The following THSD7A variants were observed in gnomAD, a reference collection of about 807,000 sequenced individuals.
THSD7A encodes the protein thrombospondin type 1 domain containing 7A.
A neutral mutation model predicts 231.3 loss-of-function variants in THSD7A; 96 were observed. That is an observed-to-expected ratio of 0.41 (90% CI 0.35 to 0.49). The LOEUF (loss-of-function observed/expected upper bound fraction) is 0.49, where lower values mean the gene tolerates loss of function less well. Ranked by LOEUF, THSD7A falls within the 20% of genes least tolerant of loss-of-function variation. THSD7A has a pLI of 0.05. For synonymous variants in THSD7A, 940 were observed against 743.3 expected (o/e 1.26, Z -4.30); for missense variants, 2,290 against 2,070.2 (o/e 1.11, Z -2.06).
chr7:11,407,178 A>T (rs1783614523), intron 20 of THSD7A, 123 bp from the exon 21 acceptor site: 1 of 1,467,760 alleles, frequency 6.8e-7, no homozygotes, highest in Non-Finnish European at 9.3e-7. Context: ...TAAGGCTTAG[A>T]TGTTTTGCAA....
At chr7:11,503,915 G>A (rs904925772) in intron 6 of THSD7A, among the ~76,000 whole-genome samples, 1 of 152,048 alleles carries the variant, frequency 6.6e-6, no homozygotes, top group Non-Finnish European at 1.5e-5. Context: ...TCCTCAAAGA[G>A]CTAAAAGCAG....
chr7:11,517,458 G>T (rs937167987), intron 6 of THSD7A, among the ~76,000 whole-genome samples: 1 of 151,910 alleles, frequency 6.6e-6, no homozygotes, highest in African/African-American at 2.4e-5. Context: ...CTGAAACAGG[G>T]AATATCATTA....
At chr7:11,407,962 A>G (rs967692837) in intron 19 of THSD7A, among the ~76,000 whole-genome samples, 2 of 152,178 alleles carry the variant, frequency 1.3e-5, no homozygotes, top group Non-Finnish European at 2.9e-5. Context: ...GGGTCACCAA[A>G]GTTTTTTTTT....
At chr7:11,378,998 A>G (rs893405278) in intron 26 of THSD7A, 72 bp downstream of exon 26, 1 of 1,451,262 alleles carries the variant, frequency 6.9e-7, no homozygotes, top group African/African-American at 1.4e-5. Flanking sequence ...TGCTTTGCTC[A>G]CTTTTTTAAT....
In THSD7A at chr7:11,444,869, T is replaced by C. The variant is rs1348081030; in HGVS notation, c.3064+1192A>G. On this transcript the variant is annotated intron_variant, in intron 13 of 27. Transcript: ENST00000423059. This position sits in a 1 kb window ranked among gnomAD's most constrained non-coding sequence, Gnocchi z 4.2. ...TAAACTATATATATAAAACTATCAT[T>C]ATATATAACTATTTTATATATATAT... is the stretch of plus-strand genomic sequence containing the variant. 6.8e-6 allele frequency among the ~76,000 whole-genome samples: 1 copy of C among 147,604 alleles called. No individual in the cohort carries two copies. The highest frequency in any genetic ancestry group is 1.5e-5 in the Non-Finnish European group (1 of 67,110).
chr7:11,462,263 G>T, intron 9 of THSD7A, 120 bp from the exon 10 acceptor site: 3 of 1,051,060 alleles, frequency 2.9e-6, no homozygotes, highest in Non-Finnish European at 4.0e-6. Flanking sequence ...TCCCTGAGAG[G>T]CTTCACCTGG....
At chr7:11,393,312 T>TA (rs1264641158) in intron 23 of THSD7A, among the ~76,000 whole-genome samples, 1 of 151,614 alleles carries the variant, frequency 6.6e-6, no homozygotes, top group African/African-American at 2.4e-5. Context: ...AAGAAAGGAA[T>TA]AGCATTAACA....
chr7:11,588,197 A>G (rs1779996834), intron 4 of THSD7A, among the ~76,000 whole-genome samples: 1 of 152,116 alleles, frequency 6.6e-6, no homozygotes, highest in Non-Finnish European at 1.5e-5. Context: ...CCACAGCCTA[A>G]TTGTTCTCCA....
intron 6 of THSD7A, among the ~76,000 whole-genome samples, chr7:11,525,877 A>G (rs75696246): frequency 0.011 from 1,731 of 152,286 alleles, 29 homozygotes; most frequent in African/African-American, 0.04. Context: ...CACATTCTAA[A>G]TGTAACGTGT....
chr7:11,613,424 G>GT (rs1780999757), intron 2 of THSD7A, among the ~76,000 whole-genome samples: 1 of 152,178 alleles, frequency 6.6e-6, no homozygotes, highest in Non-Finnish European at 1.5e-5. Flanking sequence ...GAACCTGGCT[G>GT]TTACGGCTCA....
intron 8 of THSD7A, among the ~76,000 whole-genome samples, chr7:11,470,202 G>T (rs1360998457): frequency 6.6e-6 from 1 of 152,040 alleles, no homozygotes; most frequent in Non-Finnish European, 1.5e-5. Flanking sequence ...GCCTCTCAAG[G>T]AAAGATGTGC....
intron 8 of THSD7A, among the ~76,000 whole-genome samples, chr7:11,472,479 T>A (rs1446337061): frequency 3.3e-5 from 5 of 152,150 alleles, no homozygotes; most frequent in Admixed American, 2.6e-4. Context: ...GGCAATAATA[T>A]TTTCTTTTGA....
At chr7:11,572,803 A>C (rs140062170) in intron 4 of THSD7A, among the ~76,000 whole-genome samples, 14 of 151,858 alleles carry the variant, frequency 9.2e-5, no homozygotes, top group Admixed American at 3.3e-4. Flanking sequence ...GCTGATTCTT[A>C]TATCTAGGCC....
intron 1 of THSD7A, among the ~76,000 whole-genome samples, chr7:11,728,908 C>T (rs1018961173): frequency 1.3e-5 from 2 of 151,670 alleles, no homozygotes; most frequent in African/African-American, 2.4e-5. Flanking sequence ...GCATAATAAA[C>T]CATCACTTAT....
At chr7:11,410,963 T>G (rs1476584894) in intron 19 of THSD7A, among the ~76,000 whole-genome samples, 1 of 151,946 alleles carries the variant, frequency 6.6e-6, no homozygotes, top group Non-Finnish European at 1.5e-5. Context: ...CCCCAAGCAT[T>G]TCTTTCAGAA....
At chr7:11,587,301 G>A (rs573823841) in intron 4 of THSD7A, among the ~76,000 whole-genome samples, 24 of 152,254 alleles carry the variant, frequency 1.6e-4, no homozygotes, top group African/African-American at 5.5e-4. Context: ...CATATCAGCT[G>A]GCTGAACAAA....
At chr7:11,552,360 G>C (rs1266073131) in intron 4 of THSD7A, among the ~76,000 whole-genome samples, 1 of 151,806 alleles carries the variant, frequency 6.6e-6, no homozygotes, top group African/African-American at 2.4e-5. Context: ...ATTTAAACAA[G>C]TAAAAAAAGG....
In THSD7A at chr7:11,724,356, A is replaced by G. The variant is rs920565846; in HGVS notation, c.191-87395T>C. Reference sequence around the variant, plus strand: ...GCTCCATTTTGGCATATGTTGCATCAATGTTAGACATATCCCTTTATTAAA... The same window carrying G: ...GCTCCATTTTGGCATATGTTGCATCGATGTTAGACATATCCCTTTATTAAA... On this transcript the variant is annotated intron_variant, in intron 1 of 27. Transcript: ENST00000423059. 5.9e-5 allele frequency among the ~76,000 whole-genome samples: 9 copies of G among 151,912 alleles called. No individual in the cohort carries two copies. In the South Asian group the frequency reaches 1.2e-3, roughly 21 times the overall value.
At chr7:11,822,202 C>T (rs1425581262) in intron 1 of THSD7A, among the ~76,000 whole-genome samples, 1 of 152,136 alleles carries the variant, frequency 6.6e-6, no homozygotes, top group South Asian at 2.1e-4. Flanking sequence ...CTCCTCTCCC[C>T]TCCTAACCTT....
Sources: allele counts gnomAD v4.1 joint callset (sites outside exome capture counted in the v4.1 genomes callset), GRCh38; gene constraint gnomAD v4.1.1; non-coding constraint Gnocchi (gnomAD v3.1); transcripts MANE v1.5; gene names NCBI Gene and HGNC (gene_info 2026-07-23, HGNC 2026-07-21).